TACC2: variants seen among roughly 807,000 people sequenced by gnomAD.
The protein encoded by TACC2 is transforming acidic coiled-coil containing protein 2.
A neutral mutation model predicts 227.3 loss-of-function variants in TACC2; 137 were observed. The observed-to-expected ratio is 0.60, with a 90% CI of 0.52 to 0.69. The LOEUF (loss-of-function observed/expected upper bound fraction) is 0.69. Among genes scored for constraint, TACC2 ranks in the 30% least tolerant of loss-of-function variants. The pLI is 0.00. For synonymous variants in TACC2, 1,523 were observed against 1,487.5 expected (o/e 1.02, Z -0.55); for missense variants, 3,470 against 3,694.4 (o/e 0.94, Z 1.57).
intron 7 of TACC2, among the ~76,000 whole-genome samples, chr10:122,179,791 A>T (rs990965107): frequency 5.3e-5 from 8 of 152,264 alleles, no homozygotes; most frequent in Admixed American, 1.3e-4. Flanking sequence ...AAATGTTTTT[A>T]AAAAATTAGC....
At chr10:122,252,179 G>A (rs1034227350) in intron 22 of TACC2, among the ~76,000 whole-genome samples, 3 of 152,192 alleles carry the variant, frequency 2.0e-5, no homozygotes, top group Admixed American at 2.0e-4. Context: ...TGTACATAAC[G>A]TTGTTTAACA....
At chr10:122,136,173 G>A (rs1015522636) in intron 6 of TACC2, among the ~76,000 whole-genome samples, 3 of 152,176 alleles carry the variant, frequency 2.0e-5, no homozygotes, top group Non-Finnish European at 4.4e-5. Flanking sequence ...TCCTCTAGAG[G>A]CAATAATTCA....
intron 7 of TACC2, among the ~76,000 whole-genome samples, chr10:122,187,407 T>C (rs1453069558): frequency 2.6e-5 from 4 of 152,232 alleles, no homozygotes; most frequent in Non-Finnish European, 5.9e-5. Context: ...CTCTTTCCTG[T>C]CCAGCTCAGC....
chr10:122,166,486 T>C (rs2139942652), intron 7 of TACC2, among the ~76,000 whole-genome samples: 1 of 152,222 alleles, frequency 6.6e-6, no homozygotes, highest in South Asian at 2.1e-4. Flanking sequence ...AGAAGTCCCA[T>C]GGGACTGGGG....
At chr10:122,046,194 G>T (rs561092568) in intron 2 of TACC2, among the ~76,000 whole-genome samples, 1 of 151,350 alleles carries the variant, frequency 6.6e-6, no homozygotes, top group African/African-American at 2.4e-5. Context: ...TAATAATAGG[G>T]CTGGGTGTGG....
At chr10:122,161,887 C>T (rs2092835298) in intron 7 of TACC2, among the ~76,000 whole-genome samples, 1 of 152,210 alleles carries the variant, frequency 6.6e-6, no homozygotes, top group African/African-American at 2.4e-5. Context: ...TGGGCCCTCA[C>T]CTGCATATGG....
At chr10:122,027,743 C>T (rs565551201) in intron 2 of TACC2, among the ~76,000 whole-genome samples, 68 of 130,370 alleles carry the variant, frequency 5.2e-4, no homozygotes, top group African/African-American at 2.2e-3. Flanking sequence ...ACAATACTTT[C>T]TGGGATTTTT....
chr10:122,083,310 C>A lies in TACC2; in HGVS notation c.810C>A (p.Pro270=), dbSNP rs11816938. 16 of 1,613,814 alleles carry A rather than the reference C, an allele frequency of 9.9e-6. No individual in the cohort carries two copies. The African/African-American group carries it at 1.9e-4, about 19-fold the overall frequency. Residue 270 remains proline, a synonymous_variant, in exon 4 of 23, where the codon CCC becomes CCA. Transcript: ENST00000369005. ...GCTCAGCGGTCTTGGAGAAGTCCCC[C>A]CTAAAACCCATGGCCCCGATCCCAC... ...TESSAVLEKS[P]LKPMAPIPQD...
At chr10:122,082,593 T>G (rs865805523) in intron 3 of TACC2, 54 bp from the exon 4 acceptor site, 1 of 1,550,414 alleles carries the variant, frequency 6.4e-7, no homozygotes, top group Admixed American at 1.9e-5. Flanking sequence ...CTGCCTGCAG[T>G]GTGGCTCTGT....
chr10:122,113,765 A>G (rs1382520306), intron 5 of TACC2, among the ~76,000 whole-genome samples: 1 of 152,234 alleles, frequency 6.6e-6, no homozygotes, highest in Non-Finnish European at 1.5e-5. Flanking sequence ...AAATTCTCGA[A>G]TAGTTACGTC....
chr10:122,133,984 G>A (rs548576710), intron 6 of TACC2, among the ~76,000 whole-genome samples: 8 of 152,300 alleles, frequency 5.3e-5, no homozygotes, highest in African/African-American at 1.9e-4. Context: ...TCCTTGGGGT[G>A]CAGGCAGGCG....
rs551508228 is a variant in TACC2, at chr10:122,100,094, G to A, written c.5573+11503G>A. Among the ~76,000 whole-genome samples, 12 of 151,994 alleles carry A rather than the reference G, an allele frequency of 7.9e-5. 1 individual carries two copies. Among genetic ancestry groups the A allele is most frequent in the East Asian group, 3.9e-4 (2 of 5,106 alleles). Reference sequence around the variant, plus strand: ...AGCCTGGCCAACAAGGCGAAACTCCGTCTCTACTAAAAATACAAAATTAGC... The same window carrying A: ...AGCCTGGCCAACAAGGCGAAACTCCATCTCTACTAAAAATACAAAATTAGC... On this transcript the variant is annotated intron_variant, in intron 5 of 22. Coordinates refer to ENST00000369005, the MANE Select transcript of TACC2 (RefSeq NM_206862.4).
At chr10:122,042,064 G>A (rs546669672) in intron 2 of TACC2, among the ~76,000 whole-genome samples, 1 of 152,196 alleles carries the variant, frequency 6.6e-6, no homozygotes, top group East Asian at 1.9e-4. Context: ...TTCTGCCTCA[G>A]CCTCCCGAGT....
intron 2 of TACC2, among the ~76,000 whole-genome samples, chr10:122,048,648 G>A (rs911019666): frequency 4.6e-5 from 7 of 152,072 alleles, no homozygotes; most frequent in African/African-American, 7.2e-5. Flanking sequence ...ATGAGCCACC[G>A]CACCCGGCTG....
At chr10:122,252,527 G>C (rs994973696) in intron 22 of TACC2, among the ~76,000 whole-genome samples, 1 of 148,820 alleles carries the variant, frequency 6.7e-6, no homozygotes, top group African/African-American at 2.5e-5. Context: ...GTCTGTCTCT[G>C]TTGCCCAGGC....
chr10:122,174,416 G>A (rs181652786), intron 7 of TACC2, among the ~76,000 whole-genome samples: 10 of 152,342 alleles, frequency 6.6e-5, no homozygotes, highest in African/African-American at 2.2e-4. Flanking sequence ...TCACTCCATG[G>A]GCTTGAGAAG....
At position 122,242,032 on chromosome 10, in the gene TACC2, C is replaced by T. The variant is rs113203336; in HGVS notation, c.8392+31C>T. 109 of 1,606,204 alleles carry T rather than the reference C, an allele frequency of 6.8e-5. 1 individual carries two copies. Among genetic ancestry groups the T allele is most frequent in the Middle Eastern group, 6.6e-4 (4 of 6,040 alleles). ...TGTCCTGACCTGCGGGGGCTCAGGC[C>T]GGCCCCGATGTTTCTGAACTATGAG... On this transcript the variant is annotated intron_variant, in intron 19 of 22. Coordinates refer to ENST00000369005, the MANE Select transcript of TACC2 (RefSeq NM_206862.4).
intron 5 of TACC2, among the ~76,000 whole-genome samples, chr10:122,129,016 A>T (rs577637464): frequency 3.3e-5 from 5 of 151,004 alleles, no homozygotes; most frequent in Non-Finnish European, 7.4e-5. Flanking sequence ...TCAATTAATA[A>T]TGGACATGTT....
At position 122,211,381 on chromosome 10, in the gene TACC2, C is replaced by T. The variant is rs1438395704; in HGVS notation, c.6956C>T (p.Pro2319Leu). Residue 2319 changes from proline (P) to leucine (L), a missense_variant, in exon 9 of 23, where the codon CCC becomes CTC. Around this residue, in one of 10 missense-constraint regions of TACC2, gnomAD observed 593 missense variants for 636.6 expected, o/e 0.93. Transcript: ENST00000369005. ...CTTGACAACACTCCTGCCTCACCTC[C>T]CAGATCCCCTGCTGAACCCAATGAC... is the stretch of plus-strand genomic sequence containing the variant. ...EKLDNTPASP[P>L]RSPAEPNDIP... 1.2e-6 allele frequency: 2 copies of T among 1,614,034 alleles called. No individual in the cohort carries two copies. Among genetic ancestry groups the T allele is most frequent in the South Asian group, 1.1e-5 (1 of 91,052 alleles).
Sources: allele counts gnomAD v4.1 joint callset (sites outside exome capture counted in the v4.1 genomes callset), GRCh38; gene constraint gnomAD v4.1.1; regional missense constraint gnomAD v4.1.1; transcripts MANE v1.5; gene names NCBI Gene and HGNC (gene_info 2026-07-23, HGNC 2026-07-21).